The following TMEM116 variants were observed in gnomAD, a reference collection of about 807,000 sequenced individuals.
The protein encoded by TMEM116 is transmembrane protein 116.
In TMEM116, 38 loss-of-function variants were observed where a neutral mutation model predicts 44.3. The ratio of observed to expected loss-of-function variants is 0.86; its 90% CI spans 0.66 to 1.12. TMEM116 has a LOEUF of 1.12. Among genes scored for constraint, TMEM116 ranks in the 50% most tolerant of loss-of-function variants. The probability of loss-of-function intolerance (pLI) is 0.00; values close to 1 mark genes in which losing one functional copy is unlikely to be tolerated. For synonymous variants in TMEM116, 132 were observed against 144.8 expected (o/e 0.91, Z 0.64); for missense variants, 354 against 401.7 (o/e 0.88, Z 1.01).
chr12:111,978,822 C>A, intron 4 of TMEM116: 1 of 424,942 alleles, frequency 2.4e-6, no homozygotes, highest in Non-Finnish European at 4.8e-6. Context: ...TTAAGTCACA[C>A]ATTGTATGGT....
chr12:112,004,373 C>A (rs768205987), intron 2 of TMEM116, among the ~76,000 whole-genome samples: 4 of 152,078 alleles, frequency 2.6e-5, no homozygotes, highest in Non-Finnish European at 5.9e-5. Flanking sequence ...CAGCCTCCAA[C>A]TCCTGGGCTA....
intron 6 of TMEM116, chr12:111,937,960 C>A: frequency 2.7e-6 from 1 of 365,396 alleles, no homozygotes; most frequent in Non-Finnish European, 5.1e-6. Context: ...GAGCTAAAAC[C>A]CAAATCTATA....
chr12:111,976,986 G>A (rs2075704237), intron 4 of TMEM116, among the ~76,000 whole-genome samples: 1 of 152,048 alleles, frequency 6.6e-6, no homozygotes, highest in African/African-American at 2.4e-5. Flanking sequence ...GTTATAAAAG[G>A]TGTAACATAG....
chr12:111,954,499 T>C (rs2073951204), intron 4 of TMEM116, among the ~76,000 whole-genome samples: 1 of 152,246 alleles, frequency 6.6e-6, no homozygotes, highest in South Asian at 2.1e-4. Context: ...ACATTTGTTA[T>C]CTAATTTCTT....
chr12:111,975,934 A>G, intron 4 of TMEM116, among the ~76,000 whole-genome samples: 1 of 152,200 alleles, frequency 6.6e-6, no homozygotes, highest in Admixed American at 6.5e-5. Flanking sequence ...AAGGGGCTTC[A>G]GTGTAATTAT....
Position 111,943,451 on chromosome 12 carries a change from A to G in TMEM116, c.211-82T>C, listed in dbSNP as rs2073024961. 2.1e-5 allele frequency: 21 copies of G among 989,062 alleles called. 1 individual carries two copies. The highest frequency in any genetic ancestry group is 5.6e-5 in the South Asian group (4 of 72,018). The allele number at this position is 989,062 out of a possible 1,614,324, so 61.3% of individuals were successfully genotyped here. A position where few individuals can be genotyped will look rare whatever the true frequency, so the allele number is the denominator to read the frequency against. On this transcript the variant is annotated intron_variant, in intron 4 of 10. Transcript: ENST00000552374. ...CTTTCAACATACTTCATTATTTTCT[A>G]TTATGAGAATCCTACCTACTAGTCT...
chr12:111,988,757 C>G (rs1291695999), intron 4 of TMEM116, among the ~76,000 whole-genome samples: 1 of 150,918 alleles, frequency 6.6e-6, no homozygotes, highest in African/African-American at 2.4e-5. Context: ...TTTGGGAGGC[C>G]GAGGTGGGTG....
rs567485808 is a variant in TMEM116, at chr12:111,954,360, G to C, written c.211-10991C>G. Among the ~76,000 whole-genome samples the C allele has an allele frequency of 2.6e-5, 4 of 152,290 alleles. No individual in the cohort carries two copies. The South Asian group carries it at 8.3e-4, about 32-fold the overall frequency. On this transcript the variant is annotated intron_variant, in intron 4 of 10. Coordinates refer to ENST00000552374, the MANE Select transcript of TMEM116 (RefSeq NM_001193531.2). ...TGCCAGGCAGATGCAGAAAGTAATC[G>C]ATCAGTAAGGATGTGCAGGAATGAA...
chr12:111,989,035 A>C (rs2076395246), intron 4 of TMEM116, among the ~76,000 whole-genome samples: 1 of 152,096 alleles, frequency 6.6e-6, no homozygotes, highest in African/African-American at 2.4e-5. Context: ...ACAAAAAACA[A>C]ACTAGTGTTT....
intron 4 of TMEM116, among the ~76,000 whole-genome samples, chr12:111,976,195 A>G (rs1010905416): frequency 1.3e-5 from 2 of 152,016 alleles, no homozygotes; most frequent in Middle Eastern, 3.2e-3. Context: ...TTTAGTAGAG[A>G]TAGGGTTTCA....
At chr12:111,997,278 G>C (rs528674885) in intron 3 of TMEM116, among the ~76,000 whole-genome samples, 1 of 152,178 alleles carries the variant, frequency 6.6e-6, no homozygotes, top group Non-Finnish European at 1.5e-5. Context: ...TCCTGGCCAA[G>C]CACTGTGGCT....
At chr12:111,940,498 C>CACACACACACACACACAT (rs1428367550) in intron 5 of TMEM116, among the ~76,000 whole-genome samples, 12 of 118,906 alleles carry the variant, frequency 1.0e-4, no homozygotes, top group African/African-American at 3.7e-4. Context: ...CACACACACA[C>CACACACACACACACACAT]ATATATATAC....
At chr12:111,974,821 A>G (rs2075574149) in intron 4 of TMEM116, among the ~76,000 whole-genome samples, 1 of 152,112 alleles carries the variant, frequency 6.6e-6, no homozygotes, top group Admixed American at 6.5e-5. Flanking sequence ...TGCAGGATAC[A>G]AGACCAATAT....
intron 4 of TMEM116, among the ~76,000 whole-genome samples, chr12:111,979,229 A>T (rs2075823994): frequency 6.6e-6 from 1 of 152,122 alleles, no homozygotes; most frequent in East Asian, 1.9e-4. Context: ...GGTGAAAACA[A>T]CCCTCACGTT....
At chr12:111,970,665 C>G (rs2075281664) in intron 4 of TMEM116, among the ~76,000 whole-genome samples, 1 of 150,664 alleles carries the variant, frequency 6.6e-6, no homozygotes. Flanking sequence ...CAGCTCACTG[C>G]AACCTCTGCC....
intron 4 of TMEM116, among the ~76,000 whole-genome samples, chr12:111,989,780 T>C (rs1439699670): frequency 6.6e-6 from 1 of 152,076 alleles, no homozygotes; most frequent in Non-Finnish European, 1.5e-5. Context: ...TTATACTACA[T>C]AGCTCAAAGA....
At chr12:111,956,968 C>T (rs530565645) in intron 4 of TMEM116, among the ~76,000 whole-genome samples, 93 of 151,904 alleles carry the variant, frequency 6.1e-4, no homozygotes, top group Admixed American at 1.8e-3. Context: ...TCTGCCTGGC[C>T]GCCCATCGTC....
chr12:112,007,313 C>T (rs2077635579), intron 1 of TMEM116, among the ~76,000 whole-genome samples: 1 of 152,138 alleles, frequency 6.6e-6, no homozygotes, highest in Non-Finnish European at 1.5e-5. Context: ...ACTCGGGAGG[C>T]TGATGCATGA....
chr12:112,006,976 G>C (rs1276412121), intron 1 of TMEM116, among the ~76,000 whole-genome samples: 1 of 152,198 alleles, frequency 6.6e-6, no homozygotes, highest in Admixed American at 6.5e-5. Flanking sequence ...GCAATGTCAT[G>C]CACCTGTGGT....
Sources: allele counts gnomAD v4.1 joint callset (sites outside exome capture counted in the v4.1 genomes callset), GRCh38; gene constraint gnomAD v4.1.1; transcripts MANE v1.5; gene names NCBI Gene and HGNC (gene_info 2026-07-23, HGNC 2026-07-21).